The following CTDP1 variants were observed in gnomAD, a reference collection of about 807,000 sequenced individuals.
CTDP1 encodes CTD phosphatase 1, also known as RNA polymerase II subunit A C-terminal domain phosphatase.
Under a neutral mutation model 91.8 loss-of-function variants are expected in CTDP1, and 47 were observed. That is an observed-to-expected ratio of 0.51 (90% CI 0.41 to 0.65). The LOEUF (loss-of-function observed/expected upper bound fraction) is 0.65, where lower values mean the gene tolerates loss of function less well. Ranked by LOEUF, CTDP1 falls within the 30% of genes least tolerant of loss-of-function variation. CTDP1 has a pLI of 0.00. For synonymous variants in CTDP1, 656 were observed against 598.5 expected, an observed-to-expected ratio of 1.10 and a Z score of -1.40; for missense variants, 1,272 against 1,373.7, an observed-to-expected ratio of 0.93 and a Z score of 1.17.
chr18:79,716,123 A>G (rs1252189869), intron 8 of CTDP1, among the ~76,000 whole-genome samples: 2 of 152,192 alleles, frequency 1.3e-5, no homozygotes, highest in African/African-American at 4.8e-5. Context: ...ATACCTCGTT[A>G]TTCTAGTTAT....
chr18:79,704,644 C>T, intron 4 of CTDP1, 123 bp from the exon 5 acceptor site: 1 of 1,357,250 alleles, frequency 7.4e-7, no homozygotes, highest in Non-Finnish European at 1.0e-6. Context: ...ACACGCGTGT[C>T]TTCAGAACGC....
At chr18:79,749,488 A>G (rs1173164338) in intron 12 of CTDP1, among the ~76,000 whole-genome samples, 1 of 38,834 alleles carries the variant, frequency 2.6e-5, no homozygotes, top group Admixed American at 2.7e-4. Context: ...CGGGCACCAG[A>G]CTGTGAGGGT....
intron 11 of CTDP1, among the ~76,000 whole-genome samples, chr18:79,730,875 C>T (rs1235397721): frequency 1.3e-5 from 2 of 152,244 alleles, no homozygotes; most frequent in African/African-American, 4.8e-5. Context: ...ACCTGCACAG[C>T]TGTGAGGTTG....
At chr18:79,701,268 T>C (rs1017265014) in intron 4 of CTDP1, among the ~76,000 whole-genome samples, 5 of 152,214 alleles carry the variant, frequency 3.3e-5, no homozygotes, top group Non-Finnish European at 5.9e-5. Context: ...TCCAGCACTT[T>C]GGGAGGACAA....
chr18:79,693,751 C>T (rs2085673467), intron 1 of CTDP1, among the ~76,000 whole-genome samples: 1 of 152,156 alleles, frequency 6.6e-6, no homozygotes, highest in South Asian at 2.1e-4. Context: ...CCGCACACGC[C>T]CATCCTCCTC....
chr18:79,710,272 C>G, intron 5 of CTDP1, 74 bp from the exon 6 acceptor site: 2 of 1,180,050 alleles, frequency 1.7e-6, no homozygotes, highest in Non-Finnish European at 2.5e-6. Context: ...AAAAAACATT[C>G]AAGGCTTCAC....
intron 12 of CTDP1, among the ~76,000 whole-genome samples, chr18:79,744,563 C>G (rs1035884781): frequency 6.6e-6 from 1 of 152,148 alleles, no homozygotes; most frequent in Non-Finnish European, 1.5e-5. Context: ...TGGAGTGTTC[C>G]GCTAATATCA....
chr18:79,679,166 C>T, upstream of CTDP1: 1 of 321,114 alleles, frequency 3.1e-6, no homozygotes, highest in Non-Finnish European at 6.1e-6. Flanking sequence ...CGCCTTGCCC[C>T]AGACGGGCCC....
intron 1 of CTDP1, among the ~76,000 whole-genome samples, chr18:79,680,517 G>C (rs946547933): frequency 2.6e-5 from 4 of 152,232 alleles, no homozygotes; most frequent in African/African-American, 7.2e-5. Flanking sequence ...AGCTATGTTT[G>C]TTTCTTTCTT....
intron 12 of CTDP1, 144 bp downstream of exon 12, chr18:79,736,665 C>G: frequency 1.2e-6 from 1 of 836,624 alleles, no homozygotes; most frequent in Non-Finnish European, 1.8e-6. Context: ...ACTCAGCAGC[C>G]CCTGGTGATG....
Position 79,680,000 on chromosome 18 carries a change from C to T in CTDP1, c.53C>T (p.Ala18Val). The change falls in exon 1 of 13, where the codon GCT (alanine) becomes GTT (valine). Residue 18 changes from alanine to valine, a missense_variant. Around this residue, in one of 3 missense-constraint regions of CTDP1, gnomAD observed 214 missense variants for 179.1 expected, o/e 1.19. Coordinates refer to ENST00000613122, the MANE Select transcript of CTDP1 (RefSeq NM_004715.5). ...RVPAEGAPTA[A>V]VAEVRCPGPA... ...CCTGCCGAGGGCGCCCCGACGGCGG[C>T]TGTGGCCGAGGTGCGCTGCCCGGGG... 1.5e-6 allele frequency: 2 copies of T among 1,328,862 alleles called. No individual in the cohort carries two copies. Among genetic ancestry groups the T allele is most frequent in the East Asian group, 3.3e-5 (1 of 30,184 alleles). The allele number at this position is 1,328,862 out of a possible 1,614,324, so 82.3% of individuals were successfully genotyped here. A position where few individuals can be genotyped will look rare whatever the true frequency, so the allele number is the denominator to read the frequency against.
chr18:79,718,109 G>C, intron 10 of CTDP1, 93 bp downstream of exon 10: 1 of 1,432,798 alleles, frequency 7.0e-7, no homozygotes, highest in Non-Finnish European at 9.6e-7. Flanking sequence ...GTTGCCCGAA[G>C]TGAGGGCGGG....
chr18:79,729,190 G>A (rs895351000), intron 11 of CTDP1, 121 bp downstream of exon 11: 2 of 1,282,866 alleles, frequency 1.6e-6, no homozygotes, highest in South Asian at 2.4e-5. Context: ...CTGCACTTGT[G>A]TAGTTGTGTC....
At chr18:79,724,225 A>C (rs530130595) in intron 10 of CTDP1, among the ~76,000 whole-genome samples, 1 of 152,384 alleles carries the variant, frequency 6.6e-6, no homozygotes, top group East Asian at 1.9e-4. Flanking sequence ...TAACACAGAT[A>C]TTTCAAAATT....
intron 10 of CTDP1, among the ~76,000 whole-genome samples, chr18:79,728,643 G>A (rs2086500027): frequency 1.2e-5 from 1 of 84,658 alleles, no homozygotes; most frequent in African/African-American, 2.9e-5. Context: ...TGCCCCACGG[G>A]GGTTTTGTGG....
At chr18:79,690,514 GTGGAGAC>G (rs2085598656) in intron 1 of CTDP1, among the ~76,000 whole-genome samples, 1 of 152,222 alleles carries the variant, frequency 6.6e-6, no homozygotes, top group African/African-American at 2.4e-5. Context: ...TTTTTAAGGT[GTGGAGAC>G]GTTTCTCTGC....
chr18:79,727,732 T>C (rs924021243), intron 10 of CTDP1, among the ~76,000 whole-genome samples: 3 of 152,176 alleles, frequency 2.0e-5, no homozygotes, highest in African/African-American at 7.2e-5. Context: ...TTTTATCACC[T>C]TCATCCTCGT....
chr18:79,754,383 G>A lies in CTDP1; in HGVS notation c.*593G>A, dbSNP rs953422211. On this transcript the variant is annotated 3_prime_UTR_variant, in exon 13 of 13. Transcript: ENST00000613122. ...CCTCCCACTGGCATCCTGGCAAGGGGGCGTTGCTTTTCCTGGGCGGCCTTT... is the reference window on the plus strand; with the variant it reads ...CCTCCCACTGGCATCCTGGCAAGGGAGCGTTGCTTTTCCTGGGCGGCCTTT... 9.0e-5 allele frequency: 14 copies of A among 155,912 alleles called. 1 individual carries two copies. In the South Asian group the frequency reaches 2.4e-3, roughly 27 times the overall value. The allele number at this position is 155,912 out of a possible 1,614,324, so 9.7% of individuals were successfully genotyped here.
chr18:79,740,721 G>C (rs1240847061), intron 12 of CTDP1, among the ~76,000 whole-genome samples: 1 of 152,180 alleles, frequency 6.6e-6, no homozygotes, highest in African/African-American at 2.4e-5. Context: ...TTTAACATAA[G>C]GGGGAAGGTT....
Sources: allele counts gnomAD v4.1 joint callset (sites outside exome capture counted in the v4.1 genomes callset), GRCh38; gene constraint gnomAD v4.1.1; regional missense constraint gnomAD v4.1.1; transcripts MANE v1.5; gene names NCBI Gene and HGNC (gene_info 2026-07-23, HGNC 2026-07-21).